Variants in SLC9A3 observed in about 807,000 individuals in gnomAD.
The protein encoded by SLC9A3 is sodium/hydrogen exchanger 3.
In SLC9A3, 37 loss-of-function variants were observed where a neutral mutation model predicts 86.8. The observed-to-expected ratio is 0.43, with a 90% CI of 0.33 to 0.56. The LOEUF is 0.56. Among genes scored for constraint, SLC9A3 ranks in the 20% least tolerant of loss-of-function variants. The pLI is 0.06. For missense variants in SLC9A3, 1,011 were observed against 1,171.9 expected (o/e 0.86, Z 2.00); for synonymous variants, 581 against 528.3 (o/e 1.10, Z -1.37).
intron 1 of SLC9A3, 52 bp downstream of exon 1, chr5:524,060 A>G (rs1056945195): frequency 7.8e-7 from 1 of 1,274,240 alleles, no homozygotes; most frequent in African/African-American, 1.6e-5. Context: ...CAGGCCCAGC[A>G]GAGGCGGCCG....
intron 1 of SLC9A3, among the ~76,000 whole-genome samples, chr5:494,384 G>C (rs12716164): frequency 1.3e-5 from 2 of 152,002 alleles, no homozygotes; most frequent in Non-Finnish European, 2.9e-5. Flanking sequence ...CCGGGCCTGC[G>C]AGGGGAAGGC....
chr5:507,223 C>T lies in SLC9A3; in HGVS notation c.212-15152G>A, dbSNP rs183600909. 4.1e-3 allele frequency among the ~76,000 whole-genome samples: 363 copies of T among 87,918 alleles called. 7 individuals carry two copies. Among genetic ancestry groups the T allele is most frequent in the African/African-American group, 0.017 (344 of 20,280 alleles). 57.7% of individuals were successfully genotyped at this position (87,918 alleles called of 152,430 possible). Reference sequence around the variant, plus strand: ...TGGCTCTGTTGCCCAGGCTGGAGTGCGGTGGCGCGATCTGGGCTCACTGCA... The same window carrying T: ...TGGCTCTGTTGCCCAGGCTGGAGTGTGGTGGCGCGATCTGGGCTCACTGCA... On this transcript the variant is annotated intron_variant, in intron 1 of 16. Coordinates refer to ENST00000264938, the MANE Select transcript of SLC9A3 (RefSeq NM_004174.4).
At chr5:493,440 AC>A (rs1360820442) in intron 1 of SLC9A3, among the ~76,000 whole-genome samples, 1 of 152,228 alleles carries the variant, frequency 6.6e-6, no homozygotes, top group Non-Finnish European at 1.5e-5. Context: ...CGTGGCCCTG[AC>A]GAGCTCGGCC....
intron 5 of SLC9A3, among the ~76,000 whole-genome samples, chr5:483,811 G>A (rs578212261): frequency 1.6e-3 from 248 of 152,386 alleles, no homozygotes; most frequent in Non-Finnish European, 2.9e-3. Context: ...CAGTGGAAAC[G>A]CCAACTCCTT....
intron 1 of SLC9A3, among the ~76,000 whole-genome samples, chr5:506,657 C>G (rs1486167146): frequency 6.6e-6 from 1 of 152,200 alleles, no homozygotes; most frequent in Non-Finnish European, 1.5e-5. Flanking sequence ...ATAATCTCGA[C>G]TTTTCTGGGC....
chr5:495,908 C>T (rs1262155729), intron 1 of SLC9A3, among the ~76,000 whole-genome samples: 4 of 109,488 alleles, frequency 3.7e-5, no homozygotes, highest in African/African-American at 1.5e-4. Flanking sequence ...CTCCACTCCC[C>T]GCGCCATCGC....
chr5:501,066 A>G (rs1263132574), intron 1 of SLC9A3, among the ~76,000 whole-genome samples: 1 of 152,202 alleles, frequency 6.6e-6, no homozygotes, highest in East Asian at 1.9e-4. Context: ...TAAGCACACA[A>G]TGGCTTGGTG....
At chr5:485,301 TC>T in intron 3 of SLC9A3, 70 bp from the exon 4 acceptor site, 2 of 1,288,326 alleles carry the variant, frequency 1.6e-6, no homozygotes, top group South Asian at 1.2e-5. Context: ...GGCCCGGGCC[TC>T]GCTGGACTTG....
At chr5:517,376 T>C (rs1403294782) in intron 1 of SLC9A3, among the ~76,000 whole-genome samples, 3 of 151,632 alleles carry the variant, frequency 2.0e-5, no homozygotes, top group African/African-American at 7.3e-5. Flanking sequence ...CATCCATCCA[T>C]CCATTCACTT....
Position 523,928 on chromosome 5 carries a change from A to C in SLC9A3, c.211+184T>G, listed in dbSNP as rs1243331364. On this transcript the variant is annotated intron_variant, in intron 1 of 16. Coordinates refer to ENST00000264938, the MANE Select transcript of SLC9A3 (RefSeq NM_004174.4). Reference sequence around the variant, plus strand: ...GGGGAGGGGAGACCTCGGGACCCGCAGGGGCGGCTTAGCGCGGCCAGAGTC... The same window carrying C: ...GGGGAGGGGAGACCTCGGGACCCGCCGGGGCGGCTTAGCGCGGCCAGAGTC... Among the ~76,000 whole-genome samples the C allele has an allele frequency of 4.0e-5, 6 of 151,856 alleles. No homozygotes were observed. In the South Asian group the frequency reaches 1.2e-3, roughly 32 times the overall value.
At position 477,393 on chromosome 5, in the gene SLC9A3, CGTT is replaced by C. The variant is rs1560950232; in HGVS notation, c.1696_1698del (p.Asn566del). On this transcript the variant is annotated inframe_deletion, in exon 11 of 17. Transcript: ENST00000264938. ...CGTGGCGTGAAGTCCACGTTGACCA[CGTT>C]GTCGGTGCTGGGGGAGCGGATGAAG... is the stretch of plus-strand genomic sequence containing the variant. The C allele has an allele frequency of 3.1e-6, 5 of 1,613,194 alleles. No homozygotes were observed. Among genetic ancestry groups the C allele is most frequent in the Admixed American group, 1.7e-5 (1 of 59,964 alleles).
In SLC9A3 at chr5:472,824, C is replaced by G. The variant is rs755205726; in HGVS notation, c.*555G>C. The G allele has an allele frequency of 9.0e-6, 5 of 554,186 alleles. No individual in the cohort carries two copies. Among genetic ancestry groups the G allele is most frequent in the African/African-American group, 8.0e-5 (4 of 50,234 alleles). The allele number at this position is 554,186 out of a possible 1,614,324, so 34.3% of individuals were successfully genotyped here. On this transcript the variant is annotated 3_prime_UTR_variant, in exon 17 of 17. Coordinates refer to ENST00000264938, the MANE Select transcript of SLC9A3 (RefSeq NM_004174.4). The stretch of plus-strand genomic sequence containing the variant: ...GTCGGTCCCCGAGTCAGTCCCCGGG[C>G]GCGGGGCTCGGTTGGGGGGGCCCGG...
At chr5:504,237 G>A (rs980584619) in intron 1 of SLC9A3, among the ~76,000 whole-genome samples, 5 of 31,192 alleles carry the variant, frequency 1.6e-4, no homozygotes, top group Non-Finnish European at 3.0e-4. Flanking sequence ...CGCCAGCTCC[G>A]GAACCCCCGG....
intron 1 of SLC9A3, among the ~76,000 whole-genome samples, chr5:502,677 C>T (rs376284899): frequency 2.6e-5 from 4 of 152,326 alleles, no homozygotes; most frequent in East Asian, 3.9e-4. Context: ...AAGGACAAGC[C>T]GCAGCGGTGG....
chr5:507,322 C>G (rs182559849), intron 1 of SLC9A3, among the ~76,000 whole-genome samples: 18 of 138,366 alleles, frequency 1.3e-4, no homozygotes, highest in Middle Eastern at 3.6e-3. Flanking sequence ...CGCCCGCCAC[C>G]ACGCCCAGCT....
At chr5:490,883 G>C (rs1403841351) in intron 2 of SLC9A3, among the ~76,000 whole-genome samples, 1 of 152,218 alleles carries the variant, frequency 6.6e-6, no homozygotes, top group African/African-American at 2.4e-5. Context: ...ACTACAGGGA[G>C]GGGTGAGAAG....
chr5:484,710 C>A lies in SLC9A3; in HGVS notation c.755-13G>T, dbSNP rs377078425. On this transcript the variant is annotated splice_polypyrimidine_tract_variant and intron_variant, in intron 4 of 16. Coordinates refer to ENST00000264938, the MANE Select transcript of SLC9A3 (RefSeq NM_004174.4). ...ACGAAGAAGGACACTGGGTAGAGGA[C>A]GCCCTTTGTGGCCGTGCCGGCCTTC... The A allele has an allele frequency of 2.5e-6, 4 of 1,611,468 alleles. No homozygotes were observed. The highest frequency in any genetic ancestry group is 3.4e-6 in the Non-Finnish European group (4 of 1,178,870).
intron 1 of SLC9A3, among the ~76,000 whole-genome samples, chr5:500,965 C>T (rs934952566): frequency 7.3e-6 from 1 of 137,810 alleles, no homozygotes; most frequent in Non-Finnish European, 1.6e-5. Flanking sequence ...CCGCCTGCCA[C>T]AGCCCGTGTG....
intron 1 of SLC9A3, among the ~76,000 whole-genome samples, chr5:504,858 G>T (rs1334520436): frequency 6.6e-6 from 1 of 152,140 alleles, no homozygotes; most frequent in East Asian, 2.0e-4. Flanking sequence ...GTGGCATACA[G>T]CGGGGGCTCA....
Sources: allele counts gnomAD v4.1 joint callset (sites outside exome capture counted in the v4.1 genomes callset), GRCh38; gene constraint gnomAD v4.1.1; transcripts MANE v1.5; gene names NCBI Gene and HGNC (gene_info 2026-07-23, HGNC 2026-07-21).